GLIS3: variants seen among roughly 807,000 people sequenced by gnomAD.
The protein encoded by GLIS3 is GLIS family zinc finger 3.
GLIS3 carries 53 observed loss-of-function variants against 78.6 expected under a neutral mutation model. The observed-to-expected ratio is 0.67, with a 90% CI of 0.54 to 0.85. The LOEUF is 0.85. GLIS3 is among the 40% of genes least tolerant of loss of function. GLIS3 has a pLI of 0.00. For missense variants in GLIS3, 1,703 were observed against 1,231.1 expected, an observed-to-expected ratio of 1.38 and a Z score of -5.74; for synonymous variants, 684 against 509.9, an observed-to-expected ratio of 1.34 and a Z score of -4.60.
At chr9:4,106,948 A>C (rs528826217) in intron 4 of GLIS3, among the ~76,000 whole-genome samples, 71 of 152,224 alleles carry the variant, frequency 4.7e-4, no homozygotes, top group South Asian at 6.2e-4. Flanking sequence ...TGAGTAATCC[A>C]CTTGAGATAG....
the GLIS3 span, among the ~76,000 whole-genome samples, chr9:4,366,349 C>G: frequency 4.7e-4 from 71 of 152,272 alleles, no homozygotes; most frequent in Admixed American, 1.8e-3. Context: ...TGAGTACTTT[C>G]AAGCGAATCC....
intron 6 of GLIS3, among the ~76,000 whole-genome samples, chr9:3,900,622 C>CCATCAATTTGATGGAA (rs1823223966): frequency 1.3e-5 from 2 of 152,124 alleles, no homozygotes; most frequent in South Asian, 4.1e-4. Context: ...ATTTGATGGA[C>CCATCAATTTGATGGAA]TATTATGCAA....
chr9:3,873,204 G>A (rs1821077201), intron 8 of GLIS3, among the ~76,000 whole-genome samples: 1 of 152,144 alleles, frequency 6.6e-6, no homozygotes, highest in Non-Finnish European at 1.5e-5. Context: ...AAAAATTGAA[G>A]AGGGAATTCT....
At chr9:4,209,030 C>G (rs577876745) in intron 2 of GLIS3, among the ~76,000 whole-genome samples, 87 of 152,276 alleles carry the variant, frequency 5.7e-4, no homozygotes, top group Non-Finnish European at 1.0e-3. Context: ...TGCATCCATG[C>G]TACTGCTCAT....
chr9:4,305,650 G>T (rs984256128), intron 4 of GLIS3: 1 of 152,248 alleles, frequency 6.6e-6, no homozygotes, highest in African/African-American at 2.4e-5. Context: ...CCCAGTTTGG[G>T]CTAAATGAGA....
chr9:3,955,333 TC>T (rs1415313189), intron 4 of GLIS3, among the ~76,000 whole-genome samples: 1 of 152,170 alleles, frequency 6.6e-6, no homozygotes, highest in Non-Finnish European at 1.5e-5. Flanking sequence ...AGACAGTTTC[TC>T]AACTCAGCTT....
At chr9:4,133,427 C>T (rs1338031485) in intron 2 of GLIS3, among the ~76,000 whole-genome samples, 1 of 152,184 alleles carries the variant, frequency 6.6e-6, no homozygotes, top group Admixed American at 6.5e-5. Flanking sequence ...TGGGATATCA[C>T]TCGACACTTG....
chr9:4,241,674 G>GTT (rs576905965), intron 2 of GLIS3, among the ~76,000 whole-genome samples: 6 of 149,022 alleles, frequency 4.0e-5, no homozygotes, highest in Non-Finnish European at 7.5e-5. Context: ...TGCTTTTTTT[G>GTT]TTTTTTGTTT....
intron 2 of GLIS3, among the ~76,000 whole-genome samples, chr9:4,344,379 G>C (rs1276434680): frequency 6.6e-6 from 1 of 152,178 alleles, no homozygotes. Flanking sequence ...TTCATCAGCA[G>C]CATTTGGCAA....
At chr9:3,881,453 G>A (rs1821721331) in intron 7 of GLIS3, among the ~76,000 whole-genome samples, 1 of 152,136 alleles carries the variant, frequency 6.6e-6, no homozygotes. Context: ...AAGGAAACTT[G>A]GTGTGCACAC....
chr9:4,426,775 T>G, the GLIS3 span, among the ~76,000 whole-genome samples: 4 of 152,250 alleles, frequency 2.6e-5, no homozygotes, highest in Non-Finnish European at 1.5e-5. Context: ...TGTGCTTCAG[T>G]TCCGTCATTG....
the GLIS3 span, among the ~76,000 whole-genome samples, chr9:4,431,861 A>G: frequency 1.3e-5 from 2 of 152,026 alleles, no homozygotes; most frequent in Non-Finnish European, 2.9e-5. Context: ...AAAAAAAAAA[A>G]AAGCCATATA....
At chr9:4,439,989 T>A in the GLIS3 span, among the ~76,000 whole-genome samples, 16 of 152,352 alleles carry the variant, frequency 1.1e-4, no homozygotes, top group African/African-American at 3.8e-4. Context: ...AGCCTACATG[T>A]CTTCTTTTGA....
At chr9:4,404,214 T>C in the GLIS3 span, among the ~76,000 whole-genome samples, 2 of 152,162 alleles carry the variant, frequency 1.3e-5, no homozygotes, top group South Asian at 2.1e-4. Context: ...AGCAACCCGA[T>C]ATATAAAGCA....
the GLIS3 span, among the ~76,000 whole-genome samples, chr9:4,469,807 GA>G: frequency 6.6e-6 from 1 of 152,092 alleles, no homozygotes; most frequent in Non-Finnish European, 1.5e-5. Context: ...GAAGGAGATA[GA>G]GACACAAAAT....
chr9:4,049,687 C>T (rs1204720799), intron 4 of GLIS3, among the ~76,000 whole-genome samples: 1 of 152,022 alleles, frequency 6.6e-6, no homozygotes, highest in Non-Finnish European at 1.5e-5. Context: ...AACATTTTTG[C>T]AATCTACCCA....
At chr9:4,250,253 C>T (rs1247596783) in intron 2 of GLIS3, among the ~76,000 whole-genome samples, 1 of 152,006 alleles carries the variant, frequency 6.6e-6, no homozygotes, top group Non-Finnish European at 1.5e-5. Context: ...TGGTCCTGGG[C>T]TTTTTTTGGT....
At chr9:4,457,774 C>T in the GLIS3 span, among the ~76,000 whole-genome samples, 3 of 149,780 alleles carry the variant, frequency 2.0e-5, no homozygotes, top group Non-Finnish European at 3.0e-5. Flanking sequence ...CACTTGAACC[C>T]GGGAGGCAGA....
At chr9:4,379,692 A>G in the GLIS3 span, among the ~76,000 whole-genome samples, 10 of 152,196 alleles carry the variant, frequency 6.6e-5, no homozygotes, top group African/African-American at 2.4e-4. Flanking sequence ...ATCCCGCTCC[A>G]TTTGCAGTCA....
Sources: allele counts gnomAD v4.1 joint callset (sites outside exome capture counted in the v4.1 genomes callset), GRCh38; gene constraint gnomAD v4.1.1; transcripts MANE v1.5; gene names NCBI Gene and HGNC (gene_info 2026-07-23, HGNC 2026-07-21).